The following FAM227A variants were observed in gnomAD, a reference collection of about 807,000 sequenced individuals.
FAM227A encodes the protein family with sequence similarity 227 member A, also known as protein FAM227A.
FAM227A carries 80 observed loss-of-function variants against 74.7 expected under a neutral mutation model. The ratio of observed to expected loss-of-function variants is 1.07; its 90% CI spans 0.89 to 1.29. The LOEUF is 1.29. Among genes scored for constraint, FAM227A ranks in the 50% most tolerant of loss-of-function variants. The probability of loss-of-function intolerance (pLI) is 0.00; values close to 1 mark genes in which losing one functional copy is unlikely to be tolerated. For missense variants in FAM227A, 654 were observed against 683.4 expected (o/e 0.96, Z 0.48); for synonymous variants, 237 against 241.8 (o/e 0.98, Z 0.19).
chr22:38,645,400 A>T (rs1934592320), intron 3 of FAM227A, among the ~76,000 whole-genome samples, 163 bp downstream of exon 3: 1 of 152,152 alleles, frequency 6.6e-6, no homozygotes, highest in Non-Finnish European at 1.5e-5. Flanking sequence ...AAAAAAAAAT[A>T]AAAAATGTTT....
intron 6 of FAM227A, among the ~76,000 whole-genome samples, chr22:38,633,812 T>C (rs2091955041): frequency 6.6e-6 from 1 of 152,154 alleles, no homozygotes; most frequent in Non-Finnish European, 1.5e-5. Flanking sequence ...AGTGCTGGGA[T>C]TACAGGCGTA....
intron 13 of FAM227A, among the ~76,000 whole-genome samples, chr22:38,604,854 T>C (rs2091251566): frequency 6.6e-6 from 1 of 152,130 alleles, no homozygotes; most frequent in Non-Finnish European, 1.5e-5. Flanking sequence ...GGTTTCACCA[T>C]GTTGGCCAGA....
chr22:38,617,565 G>A lies in FAM227A; in HGVS notation c.1038+2647C>T, dbSNP rs141863816. On this transcript the variant is annotated intron_variant, in intron 11 of 16. Transcript: ENST00000535113. ...CTGCCTTGGACTCCCAAAGTGCTGG[G>A]ATTACAGGCGTGAGCCTCCACACCC... is the stretch of plus-strand genomic sequence containing the variant. Among the ~76,000 whole-genome samples the A allele has an allele frequency of 1.8e-3, 276 of 152,262 alleles. 6 individuals are homozygous for A. In the East Asian group the frequency reaches 0.037, roughly 20 times the overall value.
intron 1 of FAM227A, among the ~76,000 whole-genome samples, chr22:38,651,915 G>A (rs998092057): frequency 1.3e-5 from 2 of 152,050 alleles, no homozygotes; most frequent in African/African-American, 4.8e-5. Context: ...TGGGCTGGGC[G>A]TGGTGGGTCA....
intron 1 of FAM227A, among the ~76,000 whole-genome samples, chr22:38,651,026 T>C (rs1261021342): frequency 6.6e-6 from 1 of 152,158 alleles, no homozygotes; most frequent in Admixed American, 6.6e-5. Context: ...TCCTTCCCTC[T>C]CCTCCGGTTC....
At chr22:38,603,123 C>T (rs2091211455) in intron 13 of FAM227A, among the ~76,000 whole-genome samples, 1 of 152,204 alleles carries the variant, frequency 6.6e-6, no homozygotes, top group African/African-American at 2.4e-5. Context: ...ATCTGCCCAC[C>T]TCGACCTCCC....
chr22:38,609,145 T>C (rs1349719543), intron 11 of FAM227A, among the ~76,000 whole-genome samples: 2 of 152,166 alleles, frequency 1.3e-5, no homozygotes, highest in Non-Finnish European at 2.9e-5. Flanking sequence ...TGCCATCATA[T>C]TCGCATTACA....
intron 14 of FAM227A, among the ~76,000 whole-genome samples, chr22:38,598,042 CAAA>C (rs59018974): frequency 1.4e-4 from 12 of 83,796 alleles, no homozygotes; most frequent in Admixed American, 1.4e-4. Context: ...GACTCTGTCT[CAAA>C]AAAAAAAAAA....
chr22:38,580,521 G>A lies in FAM227A; in HGVS notation c.*5604C>T, dbSNP rs1194096534. 1 of 152,162 alleles carries A rather than the reference G, an allele frequency of 6.6e-6. No homozygotes were observed. Among genetic ancestry groups the A allele is most frequent in the Non-Finnish European group, 1.5e-5 (1 of 68,028 alleles). The allele number at this position is 152,162 out of a possible 1,614,324, so 9.4% of individuals were successfully genotyped here. ...GGCATTTAATAGCTGTTTGTCTTTT[G>A]TGATGTAAGCAGCCATGGATAATCA... On this transcript the variant is annotated 3_prime_UTR_variant, in exon 17 of 17. Transcript: ENST00000535113.
chr22:38,641,425 G>T (rs995225214), intron 3 of FAM227A, among the ~76,000 whole-genome samples: 5 of 151,962 alleles, frequency 3.3e-5, no homozygotes, highest in Non-Finnish European at 7.4e-5. Flanking sequence ...GGTGGCACGT[G>T]CCTATAATCC....
chr22:38,612,344 C>G (rs1255122048), intron 11 of FAM227A, among the ~76,000 whole-genome samples: 2 of 152,208 alleles, frequency 1.3e-5, no homozygotes, highest in East Asian at 1.9e-4. Context: ...TTGTGCTTCT[C>G]TTCTCACTCT....
intron 13 of FAM227A, among the ~76,000 whole-genome samples, chr22:38,600,292 ATGTGTG>A (rs902804317): frequency 6.7e-6 from 1 of 150,024 alleles, no homozygotes; most frequent in African/African-American, 2.5e-5. Context: ...TGTTTTTTAT[ATGTGTG>A]TGTGTATGTG....
At chr22:38,616,326 C>T (rs1297844412) in intron 11 of FAM227A, among the ~76,000 whole-genome samples, 2 of 152,154 alleles carry the variant, frequency 1.3e-5, no homozygotes, top group Non-Finnish European at 2.9e-5. Context: ...GGGGCAGGAA[C>T]CTGACAGGAG....
chr22:38,646,993 A>G (rs2092251315), intron 2 of FAM227A, among the ~76,000 whole-genome samples: 2 of 151,812 alleles, frequency 1.3e-5, no homozygotes, highest in African/African-American at 4.8e-5. Flanking sequence ...TACTAAAAAT[A>G]CAAAAAATTA....
At chr22:38,638,656 G>A (rs2092051634) in intron 5 of FAM227A, 90 bp downstream of exon 5, 15 of 923,202 alleles carry the variant, frequency 1.6e-5, no homozygotes, top group South Asian at 7.1e-5. Flanking sequence ...CACTACCCAG[G>A]CACCAAGTAT....
rs531728406 is a variant in FAM227A, at chr22:38,592,586, G to T, written c.1533-1046C>A. 1.6e-4 allele frequency among the ~76,000 whole-genome samples: 25 copies of T among 152,268 alleles called. No homozygotes were observed. The South Asian group carries it at 5.2e-3, about 32-fold the overall frequency. On this transcript the variant is annotated intron_variant, in intron 15 of 16. Coordinates refer to ENST00000535113, the MANE Select transcript of FAM227A (RefSeq NM_001013647.2). ...GGACGTGGTGGCTGGAACTTGAGCA[G>T]CCATTTCTTACCATGAAGTTAAATC...
chr22:38,600,306 G>GTGTA (rs1054370951), intron 13 of FAM227A, among the ~76,000 whole-genome samples: 4 of 143,956 alleles, frequency 2.8e-5, no homozygotes, highest in African/African-American at 5.4e-5. Context: ...GTGTGTGTAT[G>GTGTA]TGTATGTATG....
intron 14 of FAM227A, among the ~76,000 whole-genome samples, chr22:38,599,240 C>T (rs1353426250): frequency 6.6e-6 from 1 of 152,020 alleles, no homozygotes; most frequent in Non-Finnish European, 1.5e-5. Context: ...GGATTACAGG[C>T]GTGAGCTACC....
chr22:38,636,070 A>C (rs1393875498), intron 6 of FAM227A, among the ~76,000 whole-genome samples: 3 of 150,660 alleles, frequency 2.0e-5, no homozygotes, highest in Non-Finnish European at 4.4e-5. Flanking sequence ...GAAAGAAAGA[A>C]AAAAGAAAGG....
Sources: allele counts gnomAD v4.1 joint callset (sites outside exome capture counted in the v4.1 genomes callset), GRCh38; gene constraint gnomAD v4.1.1; transcripts MANE v1.5; gene names NCBI Gene and HGNC (gene_info 2026-07-23, HGNC 2026-07-21).